DGKB: variants seen among roughly 807,000 people sequenced by gnomAD.
DGKB encodes the protein diacylglycerol kinase beta, also known as 90 kDa diacylglycerol kinase.
DGKB carries 67 observed loss-of-function variants against 114.3 expected under a neutral mutation model. The ratio of observed to expected loss-of-function variants is 0.59; its 90% CI spans 0.48 to 0.72. The LOEUF is 0.72. Among genes scored for constraint, DGKB ranks in the 30% least tolerant of loss-of-function variants. The pLI, the probability that DGKB is intolerant of heterozygous loss-of-function variation, is 0.00. For synonymous variants in DGKB, 398 were observed against 323.1 expected, an observed-to-expected ratio of 1.23 and a Z score of -2.49; for missense variants, 907 against 975.2, an observed-to-expected ratio of 0.93 and a Z score of 0.93.
At chr7:14,394,098 GATCA>G (rs1313504871) in intron 21 of DGKB, among the ~76,000 whole-genome samples, 2 of 152,118 alleles carry the variant, frequency 1.3e-5, no homozygotes, top group Non-Finnish European at 2.9e-5. Flanking sequence ...TGATGGAAAA[GATCA>G]ATTAGGTCAT....
chr7:14,480,003 G>A lies in DGKB; in HGVS notation c.1771-1778C>T, dbSNP rs374595784. Among the ~76,000 whole-genome samples, 75 of 152,124 alleles carry A rather than the reference G, an allele frequency of 4.9e-4. 1 individual carries two copies. The South Asian group carries it at 0.016, about 31-fold the overall frequency. On this transcript the variant is annotated intron_variant, in intron 20 of 25. Transcript: ENST00000402815. Reference sequence around the variant, plus strand: ...CTTCTGCTTGAATTGTTTCTGCTAAGTTGGGGAGACTGAGACTTTTAAAAA... The same window carrying A: ...CTTCTGCTTGAATTGTTTCTGCTAAATTGGGGAGACTGAGACTTTTAAAAA...
chr7:14,369,015 G>C (rs905487997), intron 21 of DGKB, among the ~76,000 whole-genome samples: 1 of 152,032 alleles, frequency 6.6e-6, no homozygotes, highest in African/African-American at 2.4e-5. Flanking sequence ...GTGGTTTGCT[G>C]CACTCATCAA....
intron 13 of DGKB, among the ~76,000 whole-genome samples, chr7:14,644,695 T>G (rs577557170): frequency 6.6e-6 from 1 of 152,198 alleles, no homozygotes; most frequent in Non-Finnish European, 1.5e-5. Flanking sequence ...AGAAACTCTA[T>G]GTACATACAG....
chr7:14,523,944 T>C (rs757891519), intron 20 of DGKB, among the ~76,000 whole-genome samples: 20 of 152,176 alleles, frequency 1.3e-4, no homozygotes, highest in Non-Finnish European at 2.1e-4. Flanking sequence ...GGTTATACTA[T>C]ATAGAGAACA....
At chr7:14,168,402 A>C (rs1053236285) in intron 25 of DGKB, among the ~76,000 whole-genome samples, 1 of 152,180 alleles carries the variant, frequency 6.6e-6, no homozygotes, top group African/African-American at 2.4e-5. Flanking sequence ...TATTTGAAGA[A>C]ATAATAGCTG....
intron 2 of DGKB, among the ~76,000 whole-genome samples, chr7:14,838,685 A>T (rs1185485979): frequency 3.3e-5 from 5 of 152,138 alleles, no homozygotes; most frequent in African/African-American, 9.7e-5. Flanking sequence ...CCTACTAACT[A>T]GTCTCTAGTC....
chr7:14,171,552 A>G (rs1040318895), intron 25 of DGKB, among the ~76,000 whole-genome samples: 2 of 152,232 alleles, frequency 1.3e-5, no homozygotes, highest in Non-Finnish European at 2.9e-5. Flanking sequence ...AGTGGCCCAA[A>G]GAAGTTTAAT....
chr7:14,581,007 G>A (rs576184192), intron 18 of DGKB, 56 bp from the exon 19 acceptor site: 151 of 1,277,944 alleles, frequency 1.2e-4, no homozygotes, highest in Middle Eastern at 2.3e-4. Flanking sequence ...ATAAAACGAC[G>A]GAAATAAAAA....
At chr7:14,672,022 A>C (rs1819046947) in intron 13 of DGKB, among the ~76,000 whole-genome samples, 1 of 152,046 alleles carries the variant, frequency 6.6e-6, no homozygotes, top group Non-Finnish European at 1.5e-5. Flanking sequence ...AGTTTGAGAA[A>C]ATGAAGCATT....
At position 14,841,305 on chromosome 7, in the gene DGKB, C is replaced by A. The variant is rs761323422; in HGVS notation, c.-42G>T. On this transcript the variant is annotated 5_prime_UTR_variant, in exon 2 of 26. Coordinates refer to ENST00000402815, the MANE Select transcript of DGKB (RefSeq NM_001350709.2). Reference sequence around the variant, plus strand: ...TCTGTCACATACCAGGTAAAAGATTCTTTATTCAGGTGTTGCGCAGAGGTC... The same window carrying A: ...TCTGTCACATACCAGGTAAAAGATTATTTATTCAGGTGTTGCGCAGAGGTC... The A allele has an allele frequency of 8.2e-6, 13 of 1,577,814 alleles. No homozygotes were observed. Among genetic ancestry groups the A allele is most frequent in the Non-Finnish European group, 1.0e-5 (12 of 1,150,320 alleles).
At chr7:14,818,740 G>A (rs181974048) in intron 2 of DGKB, among the ~76,000 whole-genome samples, 1 of 152,292 alleles carries the variant, frequency 6.6e-6, no homozygotes, top group Admixed American at 6.5e-5. Flanking sequence ...TTCTAGTGAG[G>A]AGAAGGGAAT....
chr7:14,341,998 T>C (rs1159405422), intron 22 of DGKB, among the ~76,000 whole-genome samples: 1 of 151,908 alleles, frequency 6.6e-6, no homozygotes, highest in Non-Finnish European at 1.5e-5. Context: ...CATTACTTTA[T>C]AGGTAATTTC....
intron 5 of DGKB, among the ~76,000 whole-genome samples, chr7:14,733,735 GAAGAAAGAAATAAAGAAGA>G (rs141079739): frequency 0.74 from 98,043 of 132,542 alleles, 36,498 homozygotes; most frequent in Non-Finnish European, 0.83. Context: ...AAGAAATAAA[GAAGAAAGAAATAAAGAAGA>G]AAGAAAGAAA....
chr7:14,904,667 A>G (rs373533714), upstream of DGKB, among the ~76,000 whole-genome samples: 5 of 152,330 alleles, frequency 3.3e-5, no homozygotes, highest in Admixed American at 6.5e-5. Context: ...TGTTTTAAAA[A>G]TCATATAATA....
chr7:14,272,508 A>G (rs926690283), intron 23 of DGKB, among the ~76,000 whole-genome samples: 5 of 152,196 alleles, frequency 3.3e-5, no homozygotes, highest in African/African-American at 1.2e-4. Context: ...CCATTTTTCT[A>G]TTGAGATTTA....
chr7:14,772,287 A>C (rs1311851796), intron 2 of DGKB, among the ~76,000 whole-genome samples: 1 of 152,134 alleles, frequency 6.6e-6, no homozygotes, highest in East Asian at 1.9e-4. Flanking sequence ...CATTGACAGC[A>C]AGTAGGTACT....
intron 20 of DGKB, among the ~76,000 whole-genome samples, chr7:14,527,498 G>T (rs1274850616): frequency 6.6e-6 from 1 of 151,994 alleles, no homozygotes; most frequent in Non-Finnish European, 1.5e-5. Flanking sequence ...TAGCAATTCT[G>T]CAATTATTAT....
chr7:14,356,398 A>T (rs368395168), intron 21 of DGKB, among the ~76,000 whole-genome samples: 3 of 109,878 alleles, frequency 2.7e-5, no homozygotes, highest in Admixed American at 1.5e-4. Flanking sequence ...GTCTCGCTCT[A>T]TTGCCCAGGC....
chr7:14,789,246 C>T (rs978817287), intron 2 of DGKB, among the ~76,000 whole-genome samples: 14 of 152,070 alleles, frequency 9.2e-5, no homozygotes, highest in Admixed American at 7.2e-4. Context: ...GATCAATAAA[C>T]AGACCAACAC....
Sources: allele counts gnomAD v4.1 joint callset (sites outside exome capture counted in the v4.1 genomes callset), GRCh38; gene constraint gnomAD v4.1.1; transcripts MANE v1.5; gene names NCBI Gene and HGNC (gene_info 2026-07-23, HGNC 2026-07-21).